EYS: variants seen among roughly 807,000 people sequenced by gnomAD.
EYS encodes the protein EGF-like photoreceptor maintenance factor, also known as protein eyes shut homolog.
In EYS, 250 loss-of-function variants were observed where a neutral mutation model predicts 282.1. The observed-to-expected ratio is 0.89, with a 90% CI of 0.80 to 0.98. The LOEUF is 0.98. Among genes scored for constraint, EYS ranks in the 50% least tolerant of loss-of-function variants. The pLI is 0.00. For synonymous variants in EYS, 1,355 were observed against 1,282.9 expected (o/e 1.06, Z -1.20); for missense variants, 4,016 against 3,709.0 (o/e 1.08, Z -2.15).
intron 1 of EYS, among the ~76,000 whole-genome samples, chr6:65,643,312 T>A (rs1449764112): frequency 6.6e-6 from 1 of 152,118 alleles, no homozygotes; most frequent in Non-Finnish European, 1.5e-5. Context: ...GGCAACCTAA[T>A]ACACCTGGGA....
chr6:64,032,616 G>A (rs1306043606), intron 33 of EYS, among the ~76,000 whole-genome samples: 1 of 152,090 alleles, frequency 6.6e-6, no homozygotes, highest in Non-Finnish European at 1.5e-5. Flanking sequence ...GTAAGTAGTG[G>A]GTCTCTAGAT....
At chr6:63,831,454 T>C (rs558771414) in intron 36 of EYS, among the ~76,000 whole-genome samples, 1 of 151,700 alleles carries the variant, frequency 6.6e-6, no homozygotes, top group Non-Finnish European at 1.5e-5. Flanking sequence ...CCAACAAAGA[T>C]CAAAAGAGAC....
rs545537032 is a variant in EYS, at chr6:64,751,261, C to A, written c.3443+62117G>T. Among the ~76,000 whole-genome samples the A allele has an allele frequency of 2.0e-5, 3 of 152,184 alleles. No individual in the cohort carries two copies. The East Asian group carries it at 5.8e-4, about 29-fold the overall frequency. ...AGCTTAAGCTGCCCCACCCCTCCCA[C>A]GCAGAGGAGTTGGTGGAGCAGTGCT... On this transcript the variant is annotated intron_variant, in intron 22 of 42. Transcript: ENST00000503581.
intron 29 of EYS, among the ~76,000 whole-genome samples, chr6:64,313,375 G>A (rs1305458683): frequency 1.3e-5 from 2 of 152,010 alleles, no homozygotes; most frequent in African/African-American, 4.8e-5. Flanking sequence ...AAGAAATGTG[G>A]GACTATGTGA....
chr6:64,917,145 A>G (rs1264194845), intron 15 of EYS, among the ~76,000 whole-genome samples: 1 of 151,586 alleles, frequency 6.6e-6, no homozygotes, highest in Non-Finnish European at 1.5e-5. Context: ...GCTACGCGGG[A>G]GGCTGAAGCA....
chr6:64,865,055 A>T (rs1346801668), intron 19 of EYS, among the ~76,000 whole-genome samples: 1 of 152,034 alleles, frequency 6.6e-6, no homozygotes, highest in African/African-American at 2.4e-5. Flanking sequence ...TAATAATGTT[A>T]TTTGCAGATA....
chr6:64,055,898 C>T (rs1308441928), intron 33 of EYS, among the ~76,000 whole-genome samples: 1 of 151,984 alleles, frequency 6.6e-6, no homozygotes, highest in African/African-American at 2.4e-5. Context: ...TAAGTCAAAC[C>T]CAAATGTCTC....
intron 35 of EYS, among the ~76,000 whole-genome samples, chr6:63,908,033 CG>C (rs1773825482): frequency 9.1e-6 from 1 of 110,490 alleles, no homozygotes; most frequent in Non-Finnish European, 1.9e-5. Context: ...TATATATATA[CG>C]TTTGTGTGTG....
At chr6:63,810,547 T>C (rs1326334341) in intron 36 of EYS, among the ~76,000 whole-genome samples, 1 of 152,216 alleles carries the variant, frequency 6.6e-6, no homozygotes, top group African/African-American at 2.4e-5. Flanking sequence ...GCTGGCCAGC[T>C]CAGGCTTGAT....
intron 5 of EYS, among the ~76,000 whole-genome samples, chr6:65,406,200 T>A (rs1766732699): frequency 6.6e-6 from 1 of 152,170 alleles, no homozygotes; most frequent in Non-Finnish European, 1.5e-5. Flanking sequence ...GTATGTGTAT[T>A]AATCATTTGT....
chr6:63,982,928 T>C (rs536785900), intron 35 of EYS, among the ~76,000 whole-genome samples: 1 of 151,770 alleles, frequency 6.6e-6, no homozygotes, highest in African/African-American at 2.4e-5. Context: ...TTAGAGAAGG[T>C]TTTTTCCCGT....
At chr6:63,827,302 ACAGT>A (rs1379786377) in intron 36 of EYS, among the ~76,000 whole-genome samples, 6 of 152,194 alleles carry the variant, frequency 3.9e-5, no homozygotes, top group Admixed American at 2.6e-4. Context: ...AAGAAATGAG[ACAGT>A]CAGCAACACA....
At chr6:64,031,646 A>G (rs765514839) in intron 33 of EYS, among the ~76,000 whole-genome samples, 9 of 152,150 alleles carry the variant, frequency 5.9e-5, no homozygotes, top group Admixed American at 1.3e-4. Flanking sequence ...AAATGCACCA[A>G]TCAGCACCCT....
intron 31 of EYS, among the ~76,000 whole-genome samples, chr6:64,193,397 G>A (rs1282241231): frequency 6.6e-6 from 1 of 151,638 alleles, no homozygotes; most frequent in Non-Finnish European, 1.5e-5. Context: ...TACAAGCTCT[G>A]CCTCCTGGGT....
intron 22 of EYS, among the ~76,000 whole-genome samples, chr6:64,720,386 C>T (rs1051814074): frequency 3.9e-5 from 6 of 152,172 alleles, no homozygotes; most frequent in Non-Finnish European, 7.3e-5. Context: ...TTAACTTAAT[C>T]CTTAAGTAAA....
intron 2 of EYS, among the ~76,000 whole-genome samples, chr6:65,627,934 G>A (rs77477752): frequency 1.2e-4 from 19 of 152,352 alleles, no homozygotes; most frequent in South Asian, 4.1e-4. Flanking sequence ...GCGAGCGCAC[G>A]GCGCAGGACT....
chr6:64,537,543 A>C, intron 26 of EYS, among the ~76,000 whole-genome samples: 1 of 152,150 alleles, frequency 6.6e-6, no homozygotes, highest in East Asian at 1.9e-4. Context: ...ATATATTTTT[A>C]TTCATATGGC....
rs1768192913 is a variant in EYS, at chr6:64,917,204, G to A, written c.2382-4461C>T. Reference sequence around the variant, plus strand: ...GCGGAGGCTGCAGTGAGCAGAGATCGTGCCACTGCATTCCAGCCTGGGTGA... The same window carrying A: ...GCGGAGGCTGCAGTGAGCAGAGATCATGCCACTGCATTCCAGCCTGGGTGA... On this transcript the variant is annotated intron_variant, in intron 15 of 42. Coordinates refer to ENST00000503581, the MANE Select transcript of EYS (RefSeq NM_001142800.2). Among the ~76,000 whole-genome samples, 2 of 150,990 alleles carry A rather than the reference G, an allele frequency of 1.3e-5. 1 individual carries two copies. The highest frequency in any genetic ancestry group is 3.9e-4 in the East Asian group (2 of 5,092).
At chr6:65,075,894 A>T (rs527641271) in intron 12 of EYS, among the ~76,000 whole-genome samples, 1 of 152,108 alleles carries the variant, frequency 6.6e-6, no homozygotes, top group Non-Finnish European at 1.5e-5. Flanking sequence ...CAACTACAGT[A>T]AAATCTCACA....
Sources: gnomAD v4.1 joint callset for allele counts (sites outside exome capture counted in the v4.1 genomes callset) on GRCh38, gnomAD v4.1.1 for gene constraint, MANE v1.5 for transcripts, NCBI Gene and HGNC (gene_info 2026-07-23, HGNC 2026-07-21) for gene names.